SMIM19: variants seen among roughly 807,000 people sequenced by gnomAD.
SMIM19 encodes UPF0697 protein C8orf40.
A neutral mutation model predicts 13.2 loss-of-function variants in SMIM19; 6 were observed. The observed-to-expected ratio is 0.45, with a 90% CI of 0.25 to 0.90. The LOEUF is 0.90. Among genes scored for constraint, SMIM19 ranks in the 40% least tolerant of loss-of-function variants. The pLI, the probability that SMIM19 is intolerant of heterozygous loss-of-function variation, is 0.19. For missense variants in SMIM19, 138 were observed against 131.0 expected (o/e 1.05, Z -0.26); for synonymous variants, 46 against 43.1 (o/e 1.07, Z -0.27).
At chr8:42,542,960 A>C (rs145856020) in intron 1 of SMIM19, among the ~76,000 whole-genome samples, 3,229 of 147,930 alleles carry the variant, frequency 0.022, 53 homozygotes, top group Middle Eastern at 0.058. Context: ...AGCCTGGGTG[A>C]CAGAGTGAGA....
intron 1 of SMIM19, among the ~76,000 whole-genome samples, chr8:42,544,382 G>T (rs1813404913): frequency 6.7e-6 from 1 of 149,402 alleles, no homozygotes; most frequent in South Asian, 2.1e-4. Context: ...CTGCATTCCA[G>T]CCTGGGTGAC....
At chr8:42,552,489 G>A in intron 3 of SMIM19, 55 bp from the exon 4 acceptor site, 1 of 1,536,122 alleles carries the variant, frequency 6.5e-7, no homozygotes, top group Non-Finnish European at 9.0e-7. Context: ...TTGTTAAGTA[G>A]TAATCATTTT....
At chr8:42,551,130 AAC>A (rs1236027008) in intron 3 of SMIM19, among the ~76,000 whole-genome samples, 1 of 151,916 alleles carries the variant, frequency 6.6e-6, no homozygotes, top group Non-Finnish European at 1.5e-5. Context: ...CATCCTGGCT[AAC>A]ACAGTGAAAA....
At chr8:42,547,352 A>G (rs1813525164) in intron 2 of SMIM19, among the ~76,000 whole-genome samples, 3 of 116,090 alleles carry the variant, frequency 2.6e-5, no homozygotes, top group Admixed American at 8.5e-5. Context: ...GTGAGACTCC[A>G]TCTCAAAAAA....
chr8:42,547,380 C>G (rs1460536474), intron 2 of SMIM19, among the ~76,000 whole-genome samples: 4 of 151,890 alleles, frequency 2.6e-5, no homozygotes, highest in Admixed American at 1.3e-4. Flanking sequence ...AAAACCCCAT[C>G]GCTTTAAGAA....
At chr8:42,542,621 C>T (rs1211047424) in intron 1 of SMIM19, among the ~76,000 whole-genome samples, 2 of 151,934 alleles carry the variant, frequency 1.3e-5, no homozygotes, top group Admixed American at 6.6e-5. Flanking sequence ...CCCAAAATCA[C>T]GACACAGATT....
chr8:42,542,822 A>AAT (rs546477971), intron 1 of SMIM19, among the ~76,000 whole-genome samples: 90 of 151,648 alleles, frequency 5.9e-4, no homozygotes, highest in Middle Eastern at 3.4e-3. Flanking sequence ...AAAAAAAAAA[A>AAT]AATAAGAATT....
chr8:42,541,660 C>T lies in SMIM19; in HGVS notation c.-718C>T, dbSNP rs1813183369. 1.3e-5 allele frequency: 2 copies of T among 149,918 alleles called. No homozygotes were observed. Among genetic ancestry groups the T allele is most frequent in the South Asian group, 2.1e-4 (1 of 4,806 alleles). The allele number at this position is 149,918 out of a possible 1,614,324, so 9.3% of individuals were successfully genotyped here. On this transcript the variant is annotated 5_prime_UTR_variant, in exon 1 of 4. Coordinates refer to ENST00000417410, the MANE Select transcript of SMIM19 (RefSeq NM_001135674.2). ...GCCCCGACTCCGGGGTAAAGAGCCC[C>T]GGAGCGGAGCAGCGCTGGCCGCGTG...
chr8:42,542,340 C>T lies in SMIM19; in HGVS notation c.-38C>T, dbSNP rs1813271363. The T allele has an allele frequency of 1.5e-6, 1 of 665,894 alleles. No homozygotes were observed. Among genetic ancestry groups the T allele is most frequent in the African/African-American group, 2.0e-5 (1 of 50,926 alleles). 41.2% of individuals were successfully genotyped at this position (665,894 alleles called of 1,614,324 possible). ...TGGACTGCCCAGCACCTGTGAATTG[C>T]TTTCCTGGATGTTGGGTGAAGGCCT... On this transcript the variant is annotated 5_prime_UTR_variant, in exon 1 of 4. Coordinates refer to ENST00000417410, the MANE Select transcript of SMIM19 (RefSeq NM_001135674.2).
At chr8:42,541,188 C>T (rs1312263709), upstream of SMIM19, 1 of 152,140 alleles carries the variant, frequency 6.6e-6, no homozygotes, top group Non-Finnish European at 1.5e-5. Context: ...AGGAGGCGCC[C>T]GGCACTCGCA....
chr8:42,541,581 T>C (rs1813169104), upstream of SMIM19: 1 of 145,444 alleles, frequency 6.9e-6, no homozygotes, highest in Admixed American at 6.8e-5. Flanking sequence ...CGGCAGGAAA[T>C]GACGAAGGCA....
intron 3 of SMIM19, among the ~76,000 whole-genome samples, chr8:42,550,620 G>T (rs1213448925): frequency 6.6e-6 from 1 of 152,152 alleles, no homozygotes; most frequent in Non-Finnish European, 1.5e-5. Flanking sequence ...CAGGAAAAAA[G>T]CTCTGTAATT....
chr8:42,542,612 C>G (rs890480330), intron 1 of SMIM19: 1 of 305,708 alleles, frequency 3.3e-6, no homozygotes, highest in Non-Finnish European at 4.8e-6. Context: ...CATCAGGAAC[C>G]CAAAATCACG....
chr8:42,543,558 G>C (rs531569144), intron 1 of SMIM19, among the ~76,000 whole-genome samples: 2 of 152,292 alleles, frequency 1.3e-5, no homozygotes, highest in East Asian at 3.9e-4. Context: ...GCAGTAATTA[G>C]AAATTTTTTC....
intron 2 of SMIM19, among the ~76,000 whole-genome samples, chr8:42,547,474 A>G (rs1389843104): frequency 1.3e-5 from 2 of 152,108 alleles, no homozygotes; most frequent in African/African-American, 2.4e-5. Flanking sequence ...GCCCAATTTT[A>G]TCATCCAGCC....
upstream of SMIM19, chr8:42,541,330 G>C (rs1360166762): frequency 6.8e-6 from 1 of 146,566 alleles, no homozygotes; most frequent in East Asian, 2.1e-4. Context: ...CGCCGGCGCC[G>C]ACCAGCCCTG....
chr8:42,541,824 C>A lies in SMIM19; in HGVS notation c.-554C>A, dbSNP rs1813217767. On this transcript the variant is annotated 5_prime_UTR_variant, in exon 1 of 4. Transcript: ENST00000417410. ...GGTAAGGGGGGTGGCCGCCCGCCTG[C>A]CCTCGGTCCCGTGCGGTCCCCGAAA... 1 of 151,368 alleles carries A rather than the reference C, an allele frequency of 6.6e-6. No individual in the cohort carries two copies. Among genetic ancestry groups the A allele is most frequent in the Non-Finnish European group, 1.5e-5 (1 of 67,788 alleles). The allele number at this position is 151,368 out of a possible 1,614,324, so 9.4% of individuals were successfully genotyped here.
intron 3 of SMIM19, among the ~76,000 whole-genome samples, chr8:42,549,364 A>T (rs1813592166): frequency 6.6e-6 from 1 of 152,016 alleles, no homozygotes; most frequent in Non-Finnish European, 1.5e-5. Flanking sequence ...GTGGCCTAAG[A>T]TCACACCACT....
At chr8:42,546,762 A>T (rs1813502293) in intron 2 of SMIM19, among the ~76,000 whole-genome samples, 156 bp downstream of exon 2, 1 of 152,082 alleles carries the variant, frequency 6.6e-6, no homozygotes, top group South Asian at 2.1e-4. Context: ...AGGTGGGCAG[A>T]TCACGAGGTC....
Sources: gnomAD v4.1 joint callset for allele counts (sites outside exome capture counted in the v4.1 genomes callset) on GRCh38, gnomAD v4.1.1 for gene constraint, MANE v1.5 for transcripts, NCBI Gene and HGNC (gene_info 2026-07-23, HGNC 2026-07-21) for gene names.